DPH6: variants seen among roughly 807,000 people sequenced by gnomAD.
The protein encoded by DPH6 is diphthamine biosynthesis 6.
DPH6 carries 33 observed loss-of-function variants against 38.2 expected under a neutral mutation model. The ratio of observed to expected loss-of-function variants is 0.86; its 90% CI spans 0.65 to 1.15. DPH6 has a LOEUF of 1.15. Among genes scored for constraint, DPH6 ranks in the 50% most tolerant of loss-of-function variants. The probability of loss-of-function intolerance (pLI) is 0.00; values close to 1 mark genes in which losing one functional copy is unlikely to be tolerated. For synonymous variants in DPH6, 108 were observed against 103.0 expected (o/e 1.05, Z -0.30); for missense variants, 325 against 320.0 (o/e 1.02, Z -0.12).
Position 35,467,760 on chromosome 15 carries a change from G to GTATTTTTT in DPH6, c.313-12941_313-12940insAAAAAATA, listed in dbSNP as rs1263948403. On this transcript the variant is annotated intron_variant, in intron 3 of 8. Transcript: ENST00000256538. Reference sequence around the variant, plus strand: ...GGCCTTCTTGCGGAATACCTTGGAGGGACCGGCCTGAGGCTGTTTTACACT... The same window carrying GTATTTTTT: ...GGCCTTCTTGCGGAATACCTTGGAGGTATTTTTTGACCGGCCTGAGGCTGTTTTACACT... Among the ~76,000 whole-genome samples the GTATTTTTT allele has an allele frequency of 7.6e-4, 116 of 152,232 alleles. 3 individuals are homozygous for GTATTTTTT. The South Asian group carries it at 0.022, about 29-fold the overall frequency.
chr15:35,431,819 G>A (rs987842492), intron 5 of DPH6, among the ~76,000 whole-genome samples: 2 of 151,628 alleles, frequency 1.3e-5, no homozygotes, highest in Non-Finnish European at 2.9e-5. Flanking sequence ...ATGGAGTCTC[G>A]CTCTGTCGCC....
In DPH6 at chr15:35,538,211, G is replaced by A. The variant is rs945483607; in HGVS notation, c.312+63C>T. 52 of 1,296,532 alleles carry A rather than the reference G, an allele frequency of 4.0e-5. No individual in the cohort carries two copies. The Admixed American group carries it at 4.8e-4, about 12-fold the overall frequency. The allele number at this position is 1,296,532 out of a possible 1,614,324, so 80.3% of individuals were successfully genotyped here. On this transcript the variant is annotated intron_variant, in intron 3 of 8. Coordinates refer to ENST00000256538, the MANE Select transcript of DPH6 (RefSeq NM_080650.4). Reference sequence around the variant, plus strand: ...CAAATTACGGATTACTAAATAATTCGGCAAATGTAATTTGTTAAATTACAC... The same window carrying A: ...CAAATTACGGATTACTAAATAATTCAGCAAATGTAATTTGTTAAATTACAC...
At chr15:35,434,467 A>G (rs1398103385) in intron 5 of DPH6, among the ~76,000 whole-genome samples, 2 of 152,224 alleles carry the variant, frequency 1.3e-5, no homozygotes, top group Non-Finnish European at 2.9e-5. Flanking sequence ...AATGAATAAA[A>G]TAAGTAGAAA....
intron 3 of DPH6, among the ~76,000 whole-genome samples, chr15:35,333,512 T>C (rs1025947890): frequency 2.6e-5 from 4 of 152,192 alleles, no homozygotes; most frequent in Non-Finnish European, 4.4e-5. Context: ...AATTAATAAA[T>C]GATTCCAATT....
chr15:35,399,014 C>A (rs984080711), intron 6 of DPH6, among the ~76,000 whole-genome samples: 4 of 152,114 alleles, frequency 2.6e-5, no homozygotes, highest in African/African-American at 9.7e-5. Flanking sequence ...CAAAAAGCCC[C>A]ATCCACATAC....
the DPH6 span, among the ~76,000 whole-genome samples, chr15:35,190,673 G>A: frequency 2.2e-4 from 34 of 152,184 alleles, no homozygotes; most frequent in Non-Finnish European, 3.8e-4. Flanking sequence ...CTAAATTGTT[G>A]CTACTACAAA....
chr15:35,436,494 CA>C (rs375381054), intron 5 of DPH6, among the ~76,000 whole-genome samples: 2 of 9,138 alleles, frequency 2.2e-4, no homozygotes, highest in African/African-American at 4.8e-4. Context: ...CAAAACAAAA[CA>C]AAACAAAACA....
chr15:35,501,782 T>C (rs751970813), intron 3 of DPH6, among the ~76,000 whole-genome samples: 1 of 152,164 alleles, frequency 6.6e-6, no homozygotes, highest in Non-Finnish European at 1.5e-5. Flanking sequence ...ATTTTGTTCA[T>C]GTACTTTTAA....
At chr15:35,393,093 T>C (rs928352965) in intron 6 of DPH6, among the ~76,000 whole-genome samples, 1 of 152,192 alleles carries the variant, frequency 6.6e-6, no homozygotes, top group Admixed American at 6.5e-5. Context: ...ACTGACCTGA[T>C]TGCATCTGCA....
chr15:35,232,157 G>T (rs1337266821), intron 3 of DPH6, among the ~76,000 whole-genome samples: 1 of 152,184 alleles, frequency 6.6e-6, no homozygotes, highest in African/African-American at 2.4e-5. Context: ...CAATGTATTG[G>T]CTCAGTATAT....
At chr15:35,179,932 A>G in the DPH6 span, among the ~76,000 whole-genome samples, 1 of 152,208 alleles carries the variant, frequency 6.6e-6, no homozygotes, top group Non-Finnish European at 1.5e-5. Flanking sequence ...TCTCCTTCTG[A>G]AAACGTCAGC....
At chr15:35,206,746 T>C in the DPH6 span, among the ~76,000 whole-genome samples, 4,461 of 152,308 alleles carry the variant, frequency 0.029, 292 homozygotes, top group East Asian at 0.3. Flanking sequence ...TTACTTTATT[T>C]GCCAATTACT....
chr15:35,194,859 CAT>C, the DPH6 span, among the ~76,000 whole-genome samples: 2 of 152,166 alleles, frequency 1.3e-5, no homozygotes, highest in Non-Finnish European at 2.9e-5. Flanking sequence ...TTAATACATT[CAT>C]ATAGACAAAT....
chr15:35,431,187 A>C (rs748818446), intron 5 of DPH6, among the ~76,000 whole-genome samples: 3 of 152,192 alleles, frequency 2.0e-5, no homozygotes, highest in Non-Finnish European at 4.4e-5. Context: ...AAAAAGCTTA[A>C]CCAATGAATT....
chr15:35,303,506 T>TTA (rs1051977616), intron 3 of DPH6, among the ~76,000 whole-genome samples: 3 of 151,846 alleles, frequency 2.0e-5, no homozygotes, highest in South Asian at 2.1e-4. Context: ...ATTACTCAAA[T>TTA]TATATATATA....
chr15:35,175,353 C>T, the DPH6 span, among the ~76,000 whole-genome samples: 1 of 152,194 alleles, frequency 6.6e-6, no homozygotes, highest in Non-Finnish European at 1.5e-5. Context: ...TCAAAATTCA[C>T]TCACAAAGTT....
At chr15:35,334,760 G>A (rs2052354890) in intron 3 of DPH6, among the ~76,000 whole-genome samples, 1 of 152,172 alleles carries the variant, frequency 6.6e-6, no homozygotes, top group Non-Finnish European at 1.5e-5. Context: ...TGGCTGCACA[G>A]TATTCCACGG....
intron 5 of DPH6, among the ~76,000 whole-genome samples, chr15:35,440,051 C>G (rs1392508850): frequency 6.6e-6 from 1 of 152,128 alleles, no homozygotes; most frequent in Non-Finnish European, 1.5e-5. Flanking sequence ...TAAGTTCTTG[C>G]CTACATTTTA....
chr15:35,262,933 A>G (rs2051758993), intron 3 of DPH6, among the ~76,000 whole-genome samples: 2 of 152,148 alleles, frequency 1.3e-5, no homozygotes, highest in Admixed American at 1.3e-4. Flanking sequence ...TTTTGCCCTT[A>G]CAAATAATTA....
Sources: gnomAD v4.1 joint callset for allele counts (sites outside exome capture counted in the v4.1 genomes callset) on GRCh38, gnomAD v4.1.1 for gene constraint, MANE v1.5 for transcripts, NCBI Gene and HGNC (gene_info 2026-07-23, HGNC 2026-07-21) for gene names.